RAB3C: variants seen among roughly 807,000 people sequenced by gnomAD.
RAB3C encodes RAB3C, member RAS oncogene family.
A neutral mutation model predicts 26.4 loss-of-function variants in RAB3C; 17 were observed. The observed-to-expected ratio is 0.64, with a 90% confidence interval of 0.44 to 0.97. The LOEUF (loss-of-function observed/expected upper bound fraction) is 0.97. RAB3C is among the 50% of genes least tolerant of loss of function. The pLI is 0.00. For missense variants in RAB3C, 242 were observed against 281.9 expected (o/e 0.86, Z 1.01); for synonymous variants, 91 against 95.9 (o/e 0.95, Z 0.30).
intron 2 of RAB3C, among the ~76,000 whole-genome samples, chr5:58,685,360 T>A (rs169706): frequency 0.13 from 19,398 of 152,202 alleles, 1,569 homozygotes; most frequent in Middle Eastern, 0.22. Context: ...ACTGCCTGCA[T>A]CCTTTGGTTC....
chr5:58,613,134 C>A, intron 1 of RAB3C, among the ~76,000 whole-genome samples: 1 of 152,014 alleles, frequency 6.6e-6, no homozygotes, highest in East Asian at 1.9e-4. Context: ...TCAGAGGTAA[C>A]CGATTTGGTT....
Position 58,642,357 on chromosome 5 carries a change from C to A in RAB3C, c.252+24487C>A, listed in dbSNP as rs142900642. ...CATTCCATCTGACCAGACTCCAGAT[C>A]TATTGATTTTTCTTCTACCTGAGCT... On this transcript the variant is annotated intron_variant, in intron 2 of 4. Coordinates refer to ENST00000282878, the MANE Select transcript of RAB3C (RefSeq NM_138453.4). 5.1e-4 allele frequency among the ~76,000 whole-genome samples: 78 copies of A among 152,302 alleles called. 1 individual carries two copies. Among genetic ancestry groups the A allele is most frequent in the African/African-American group, 1.9e-3 (77 of 41,564 alleles).
At chr5:58,647,963 A>T (rs1027827431) in intron 2 of RAB3C, among the ~76,000 whole-genome samples, 1 of 152,242 alleles carries the variant, frequency 6.6e-6, no homozygotes, top group African/African-American at 2.4e-5. Context: ...AGCTGAATAA[A>T]AAAATGTGAC....
At chr5:58,836,609 T>C (rs1181813830) in intron 4 of RAB3C, among the ~76,000 whole-genome samples, 1 of 152,176 alleles carries the variant, frequency 6.6e-6, no homozygotes, top group Non-Finnish European at 1.5e-5. Flanking sequence ...TTTTTTAGCT[T>C]CCCCATGTGA....
intron 3 of RAB3C, among the ~76,000 whole-genome samples, chr5:58,811,598 T>C (rs991768427): frequency 6.6e-6 from 1 of 152,094 alleles, no homozygotes; most frequent in African/African-American, 2.4e-5. Context: ...CTGAGAATAA[T>C]CTTTCCTTAC....
chr5:58,674,101 C>T (rs1003813887), intron 2 of RAB3C, among the ~76,000 whole-genome samples: 4 of 151,792 alleles, frequency 2.6e-5, no homozygotes, highest in African/African-American at 9.7e-5. Flanking sequence ...GAATAAAATC[C>T]GACTCATAAA....
chr5:58,770,473 A>T (rs938773217), intron 3 of RAB3C, among the ~76,000 whole-genome samples: 1 of 152,178 alleles, frequency 6.6e-6, no homozygotes, highest in Non-Finnish European at 1.5e-5. Flanking sequence ...TTTCTAAAAG[A>T]TAAACTTCCA....
At chr5:58,778,462 A>T (rs1742198518) in intron 3 of RAB3C, among the ~76,000 whole-genome samples, 1 of 152,110 alleles carries the variant, frequency 6.6e-6, no homozygotes, top group African/African-American at 2.4e-5. Context: ...CCCATGCCCA[A>T]TAAGAAAGGG....
At chr5:58,593,294 A>G (rs760416147) in intron 1 of RAB3C, among the ~76,000 whole-genome samples, 3 of 152,166 alleles carry the variant, frequency 2.0e-5, no homozygotes, top group Non-Finnish European at 4.4e-5. Context: ...GAAGACAGAT[A>G]TTAACTCTTG....
At chr5:58,678,048 G>A (rs1182547827) in intron 2 of RAB3C, among the ~76,000 whole-genome samples, 5 of 151,000 alleles carry the variant, frequency 3.3e-5, no homozygotes, top group African/African-American at 1.2e-4. Context: ...GGGGAAGTGG[G>A]CAAGGAAAAT....
intron 2 of RAB3C, among the ~76,000 whole-genome samples, chr5:58,682,283 AC>A (rs368669511): frequency 3.3e-5 from 5 of 152,148 alleles, no homozygotes; most frequent in African/African-American, 1.2e-4. Context: ...AGTAAGGTCG[AC>A]TCTTATTCAT....
chr5:58,589,514 C>T (rs888807257), intron 1 of RAB3C, among the ~76,000 whole-genome samples: 2 of 152,138 alleles, frequency 1.3e-5, no homozygotes, highest in African/African-American at 4.8e-5. Flanking sequence ...TACTAGAGTT[C>T]ACCATGAAGC....
intron 2 of RAB3C, among the ~76,000 whole-genome samples, chr5:58,705,104 T>A (rs1469551268): frequency 6.6e-6 from 1 of 152,238 alleles, no homozygotes; most frequent in East Asian, 1.9e-4. Flanking sequence ...CTTTGATAAT[T>A]TTTTTAACCA....
intron 1 of RAB3C, among the ~76,000 whole-genome samples, chr5:58,604,964 A>G (rs907494233): frequency 1.3e-5 from 2 of 152,014 alleles, no homozygotes; most frequent in African/African-American, 2.4e-5. Flanking sequence ...CTGCTTGGGG[A>G]CCCAGAGAGC....
chr5:58,833,678 G>T (rs1265325224), intron 4 of RAB3C, among the ~76,000 whole-genome samples: 1 of 152,204 alleles, frequency 6.6e-6, no homozygotes, highest in Admixed American at 6.5e-5. Context: ...AAAAGTCAGA[G>T]AGTAGAGAGT....
At chr5:58,715,355 C>T (rs541037363) in intron 2 of RAB3C, among the ~76,000 whole-genome samples, 1 of 151,372 alleles carries the variant, frequency 6.6e-6, no homozygotes, top group Non-Finnish European at 1.5e-5. Flanking sequence ...AAAGAAAAAT[C>T]TTAGGTGATT....
chr5:58,810,399 G>C (rs141430421), intron 3 of RAB3C, among the ~76,000 whole-genome samples: 14 of 123,058 alleles, frequency 1.1e-4, no homozygotes, highest in African/African-American at 3.4e-4. Flanking sequence ...GTGTGTGTGT[G>C]TGTGTGTGTG....
At chr5:58,778,452 C>A (rs1255150973) in intron 3 of RAB3C, among the ~76,000 whole-genome samples, 10 of 152,052 alleles carry the variant, frequency 6.6e-5, no homozygotes, top group Non-Finnish European at 1.5e-4. Flanking sequence ...TAGAGTCATG[C>A]CCATGCCCAA....
intron 2 of RAB3C, among the ~76,000 whole-genome samples, chr5:58,703,859 A>T (rs933362785): frequency 6.6e-6 from 1 of 152,236 alleles, no homozygotes; most frequent in African/African-American, 2.4e-5. Context: ...GAGCACTAAT[A>T]GTTTGTGTTA....
Sources: gnomAD v4.1 joint callset for allele counts (sites outside exome capture counted in the v4.1 genomes callset) on GRCh38, gnomAD v4.1.1 for gene constraint, MANE v1.5 for transcripts, NCBI Gene and HGNC (gene_info 2026-07-23, HGNC 2026-07-21) for gene names.